VPS37A: variants seen among roughly 807,000 people sequenced by gnomAD.
VPS37A encodes vacuolar protein sorting-associated protein 37A.
In VPS37A, 30 loss-of-function variants were observed where a neutral mutation model predicts 49.8. That is an observed-to-expected ratio of 0.60 (90% CI 0.45 to 0.82). The LOEUF is 0.82. Among genes scored for constraint, VPS37A ranks in the 40% least tolerant of loss-of-function variants. VPS37A has a pLI of 0.00. For synonymous variants in VPS37A, 195 were observed against 160.6 expected (o/e 1.21, Z -1.62); for missense variants, 593 against 464.4 (o/e 1.28, Z -2.55).
chr8:17,290,548 A>G (rs1411135025), intron 11 of VPS37A, among the ~76,000 whole-genome samples: 1 of 152,206 alleles, frequency 6.6e-6, no homozygotes, highest in East Asian at 1.9e-4. Flanking sequence ...GTGGTGGATA[A>G]GCTTTTTAAT....
intron 4 of VPS37A, chr8:17,271,871 C>T: frequency 2.4e-6 from 1 of 414,868 alleles, no homozygotes; most frequent in Non-Finnish European, 4.7e-6. Context: ...AGAGGTGTTT[C>T]TTAATTTGAG....
At chr8:17,320,998 C>CTA in the VPS37A span, among the ~76,000 whole-genome samples, 4 of 151,438 alleles carry the variant, frequency 2.6e-5, no homozygotes, top group Non-Finnish European at 5.9e-5. Context: ...CTCTTGCAGT[C>CTA]TTTTTTTTTA....
the VPS37A span, among the ~76,000 whole-genome samples, chr8:17,322,186 G>A: frequency 0.41 from 61,878 of 151,942 alleles, 14,134 homozygotes; most frequent in East Asian, 0.74. Context: ...AGATCCATAA[G>A]ACAGTCTTCA....
the VPS37A span, chr8:17,331,007 G>A: frequency 5.1e-6 from 5 of 988,694 alleles, no homozygotes; most frequent in Admixed American, 1.2e-4. Flanking sequence ...GTTCTTAAGT[G>A]TTTAAAAAGC....
intron 6 of VPS37A, among the ~76,000 whole-genome samples, chr8:17,277,861 TACACACACACACACACACAC>T (rs67718316): frequency 2.1e-5 from 3 of 140,886 alleles, no homozygotes; most frequent in East Asian, 4.2e-4. Context: ...TTCTCTTTTA[TACACACACACACACACACAC>T]ACACACACAC....
At chr8:17,308,161 A>G in the VPS37A span, among the ~76,000 whole-genome samples, 1 of 151,988 alleles carries the variant, frequency 6.6e-6, no homozygotes, top group Non-Finnish European at 1.5e-5. Context: ...TTCAAAATAA[A>G]CTTTACTGCA....
At chr8:17,299,739 G>A (rs138809333), downstream of VPS37A, 9,884 of 1,371,302 alleles carry the variant, frequency 7.2e-3, 45 homozygotes, top group Non-Finnish European at 8.6e-3. Flanking sequence ...CCTTTTCATA[G>A]CTGCATTAAA....
rs370931373 is a variant in VPS37A, at chr8:17,280,392, G to A, written c.918G>A (p.Gln306=). 1.3e-4 allele frequency: 204 copies of A among 1,609,538 alleles called. 1 individual carries two copies. The highest frequency in any genetic ancestry group is 7.7e-5 in the Non-Finnish European group (91 of 1,178,522). The change falls in exon 9 of 12, where the codon CAG becomes CAA. Residue 306 remains glutamine, a synonymous_variant. Transcript: ENST00000324849. ...TCTTTTAGTATGAATTACTTACACA[G>A]ATGAAGTCCACTTTCGAAAAGAAGA... is the stretch of plus-strand genomic sequence containing the variant. The part of the protein sequence containing the change: ...TVLDKYELLT[Q]MKSTFEKKMQ...
intron 11 of VPS37A, among the ~76,000 whole-genome samples, chr8:17,291,137 C>T (rs989467979): frequency 6.6e-6 from 1 of 152,114 alleles, no homozygotes; most frequent in Non-Finnish European, 1.5e-5. Context: ...CTCAGCCTCC[C>T]AAGTAGCTGG....
At chr8:17,332,549 G>A in the VPS37A span, among the ~76,000 whole-genome samples, 272 of 152,286 alleles carry the variant, frequency 1.8e-3, no homozygotes, top group African/African-American at 6.1e-3. Flanking sequence ...ATATCATGAT[G>A]AGCCCATTGG....
At chr8:17,291,281 G>A (rs1476161255) in intron 11 of VPS37A, among the ~76,000 whole-genome samples, 1 of 152,118 alleles carries the variant, frequency 6.6e-6, no homozygotes, top group Non-Finnish European at 1.5e-5. Context: ...CCAAAGTGCT[G>A]GGATTACAGG....
At chr8:17,283,616 C>T (rs1005054081) in intron 9 of VPS37A, among the ~76,000 whole-genome samples, 1 of 152,152 alleles carries the variant, frequency 6.6e-6, no homozygotes, top group Non-Finnish European at 1.5e-5. Context: ...ATTCCTTTCC[C>T]CATTAACTGG....
intron 4 of VPS37A, among the ~76,000 whole-genome samples, chr8:17,270,566 T>C (rs937931910): frequency 6.6e-6 from 1 of 152,144 alleles, no homozygotes; most frequent in African/African-American, 2.4e-5. Context: ...CTGAATGTTA[T>C]TCAGCATCAT....
At chr8:17,286,589 TA>T (rs1423235233) in intron 11 of VPS37A, 162 bp downstream of exon 11, 4 of 561,134 alleles carry the variant, frequency 7.1e-6, no homozygotes, top group Non-Finnish European at 1.2e-5. Flanking sequence ...ATAAGCATAA[TA>T]TAAACATATA....
chr8:17,276,614 C>G (rs1174623123), intron 6 of VPS37A, 147 bp downstream of exon 6: 12 of 742,600 alleles, frequency 1.6e-5, no homozygotes, highest in Admixed American at 3.3e-5. Flanking sequence ...ATTTAAAAAT[C>G]AGTTTTAGGT....
chr8:17,310,335 A>G, the VPS37A span, among the ~76,000 whole-genome samples: 1 of 152,112 alleles, frequency 6.6e-6, no homozygotes, highest in Non-Finnish European at 1.5e-5. Flanking sequence ...AGTAATATGG[A>G]TAGTCTCATC....
chr8:17,304,835 A>G (rs1328257427), downstream of VPS37A, among the ~76,000 whole-genome samples: 1 of 151,704 alleles, frequency 6.6e-6, no homozygotes, highest in Non-Finnish European at 1.5e-5. Context: ...TTTGTCACAC[A>G]CTATTCTAAA....
chr8:17,283,851 A>G (rs1051800987), intron 9 of VPS37A, among the ~76,000 whole-genome samples: 2 of 152,266 alleles, frequency 1.3e-5, no homozygotes, highest in East Asian at 1.9e-4. Context: ...AGGTTTTTCT[A>G]TTTTTGCAAA....
chr8:17,253,768 A>G (rs940670461), intron 1 of VPS37A, among the ~76,000 whole-genome samples: 1 of 152,208 alleles, frequency 6.6e-6, no homozygotes. Context: ...TATTAAAAAA[A>G]TGTGAAATAA....
Sources: gnomAD v4.1 joint callset for allele counts (sites outside exome capture counted in the v4.1 genomes callset) on GRCh38, gnomAD v4.1.1 for gene constraint, MANE v1.5 for transcripts, NCBI Gene and HGNC (gene_info 2026-07-23, HGNC 2026-07-21) for gene names.